The following APP variants were observed in gnomAD, a reference collection of about 807,000 sequenced individuals.
APP encodes amyloid-beta precursor protein.
Under a neutral mutation model 101.4 loss-of-function variants are expected in APP, and 31 were observed. The ratio of observed to expected loss-of-function variants is 0.31; its 90% CI spans 0.23 to 0.41. The LOEUF is 0.41. Ranked by LOEUF, APP falls within the 10% of genes least tolerant of loss-of-function variation. APP has a pLI of 1.00. For synonymous variants in APP, 366 were observed against 364.4 expected, an observed-to-expected ratio of 1.00 and a Z score of -0.05; for missense variants, 839 against 1,003.7, an observed-to-expected ratio of 0.84 and a Z score of 2.22.
intron 1 of APP, among the ~76,000 whole-genome samples, chr21:26,145,790 T>C (rs1484607373): frequency 1.3e-5 from 2 of 152,230 alleles, no homozygotes; most frequent in African/African-American, 2.4e-5. Context: ...AATTACTGTT[T>C]AATCTGTGAT....
At chr21:26,022,789 G>T (rs570053666) in intron 5 of APP, among the ~76,000 whole-genome samples, 5 of 152,098 alleles carry the variant, frequency 3.3e-5, no homozygotes, top group African/African-American at 1.2e-4. Context: ...GTATATGCTG[G>T]TGGAAATTGG....
intron 11 of APP, among the ~76,000 whole-genome samples, chr21:25,963,475 A>T (rs1237383389): frequency 6.6e-6 from 1 of 152,214 alleles, no homozygotes; most frequent in Non-Finnish European, 1.5e-5. Flanking sequence ...AGAAGGAAGT[A>T]AATGACTCAC....
chr21:26,080,921 C>T (rs1217257587), intron 3 of APP, among the ~76,000 whole-genome samples: 1 of 151,962 alleles, frequency 6.6e-6, no homozygotes, highest in African/African-American at 2.4e-5. Flanking sequence ...ATTTTTAGGC[C>T]TGCAGCGGAC....
chr21:25,918,949 C>T (rs1433925787), intron 13 of APP, among the ~76,000 whole-genome samples: 4 of 124,936 alleles, frequency 3.2e-5, no homozygotes, highest in Non-Finnish European at 5.0e-5. Context: ...AACAAAAAGA[C>T]AGCAGTAACC....
intron 8 of APP, among the ~76,000 whole-genome samples, chr21:25,996,997 T>C (rs1326543719): frequency 6.6e-6 from 1 of 152,258 alleles, no homozygotes; most frequent in Non-Finnish European, 1.5e-5. Flanking sequence ...TCTTCAGTTC[T>C]GCAAAAGCAG....
chr21:26,045,278 TA>T (rs375106574), intron 5 of APP, among the ~76,000 whole-genome samples: 2,762 of 147,204 alleles, frequency 0.019, 42 homozygotes, highest in East Asian at 0.046. Context: ...ATTGCAAGTA[TA>T]AAAAAAAAAG....
chr21:25,897,299 A>G (rs2038130796), intron 16 of APP, among the ~76,000 whole-genome samples: 1 of 152,112 alleles, frequency 6.6e-6, no homozygotes, highest in Non-Finnish European at 1.5e-5. Context: ...TATTTTTAGT[A>G]GAGATGGGGT....
intron 13 of APP, among the ~76,000 whole-genome samples, chr21:25,926,006 C>A (rs925451244): frequency 6.6e-6 from 1 of 152,170 alleles, no homozygotes; most frequent in East Asian, 1.9e-4. Context: ...CAAAGCAAGG[C>A]ATGAGATGAG....
intron 13 of APP, among the ~76,000 whole-genome samples, 169 bp downstream of exon 13, chr21:25,954,421 T>C (rs1183182027): frequency 1.3e-5 from 2 of 152,232 alleles, no homozygotes; most frequent in African/African-American, 4.8e-5. Context: ...AGGTAAGAAC[T>C]GATTCAATTG....
rs1428253800 is a variant in APP, at chr21:26,111,999, T to C, written c.205A>G (p.Ile69Val). The C allele has an allele frequency of 1.2e-6, 2 of 1,614,152 alleles. No individual in the cohort carries two copies. Among genetic ancestry groups the C allele is most frequent in the Non-Finnish European group, 1.7e-6 (2 of 1,180,004 alleles). Residue 69 changes from isoleucine (I) to valine (V), a missense_variant, in exon 2 of 18, where the codon ATC becomes GTC. Physicochemically the swap from Ile to Val is conservative, Grantham distance 29 (BLOSUM62 3). Coordinates refer to ENST00000346798, the MANE Select transcript of APP (RefSeq NM_000484.4). ...CTTACTTCTTGGCAATACTGCAGGA[T>C]GCCTTCCTTGGTATCAATGCAGGTT... ...TKTCIDTKEG[I>V]LQYCQEVYPE...
At position 25,978,739 on chromosome 21, in the gene APP, G is replaced by A. The variant is rs565347634; in HGVS notation, c.1225-2711C>T. 1.7e-3 allele frequency among the ~76,000 whole-genome samples: 264 copies of A among 152,320 alleles called. 1 individual carries two copies. The highest frequency in any genetic ancestry group is 3.2e-3 in the Non-Finnish European group (218 of 68,030). On this transcript the variant is annotated intron_variant, in intron 9 of 17. Coordinates refer to ENST00000346798, the MANE Select transcript of APP (RefSeq NM_000484.4). ...GAGGCCCAGGCGGGTGGATCACAAGGTCAGGAGATCGAGACCATCCTGGCC... is the reference window on the plus strand; with the variant it reads ...GAGGCCCAGGCGGGTGGATCACAAGATCAGGAGATCGAGACCATCCTGGCC...
Position 26,136,205 on chromosome 21 carries a change from A to AAAGAAAGAAAGAAAGAAG in APP, c.58-24060_58-24059insCTTCTTTCTTTCTTTCTT, listed in dbSNP as rs758175200. On this transcript the variant is annotated intron_variant, in intron 1 of 17. Coordinates refer to ENST00000346798, the MANE Select transcript of APP (RefSeq NM_000484.4). ...AGAAAGAAAGAAAGAAAGAAAGAAAAGAAAAGAAAGAAAAGAAATAGTTTT... is the reference window on the plus strand; with the variant it reads ...AGAAAGAAAGAAAGAAAGAAAGAAAAAAGAAAGAAAGAAAGAAGGAAAAGAAAGAAAAGAAATAGTTTT... Among the ~76,000 whole-genome samples the AAAGAAAGAAAGAAAGAAG allele has an allele frequency of 1.2e-3, 139 of 117,060 alleles. 3 individuals carry two copies. The highest frequency in any genetic ancestry group is 4.5e-3 in the African/African-American group (126 of 27,752). The allele number at this position is 117,060 out of a possible 152,430, so 76.8% of individuals were successfully genotyped here.
At chr21:26,102,889 C>CAAAAAAAAAAAAAAAAA (rs3084283) in intron 2 of APP, among the ~76,000 whole-genome samples, 2 of 63,090 alleles carry the variant, frequency 3.2e-5, no homozygotes, top group Non-Finnish European at 5.8e-5. Flanking sequence ...GACTCTGTCT[C>CAAAAAAAAAAAAAAAAA]AAAAAAAAAA....
At chr21:26,014,898 T>A (rs796901524) in intron 6 of APP, among the ~76,000 whole-genome samples, 27 of 152,364 alleles carry the variant, frequency 1.8e-4, no homozygotes, top group African/African-American at 6.3e-4. Flanking sequence ...AGTGTCTCTA[T>A]CTGTTCACTT....
At chr21:26,133,588 C>T (rs1245946608) in intron 1 of APP, among the ~76,000 whole-genome samples, 1 of 152,104 alleles carries the variant, frequency 6.6e-6, no homozygotes, top group African/African-American at 2.4e-5. Flanking sequence ...AGTTGAAGAC[C>T]AGCCTGGCCA....
intron 1 of APP, among the ~76,000 whole-genome samples, chr21:26,114,084 C>CGGA (rs1011151235): frequency 6.6e-6 from 1 of 152,176 alleles, no homozygotes; most frequent in Non-Finnish European, 1.5e-5. Context: ...GTTAACTGTA[C>CGGA]GGAGACACTA....
chr21:25,980,229 G>A (rs1053017766), intron 9 of APP, among the ~76,000 whole-genome samples: 1 of 152,316 alleles, frequency 6.6e-6, no homozygotes, highest in Middle Eastern at 3.4e-3. Flanking sequence ...AGTGGTAGGC[G>A]CTGAAAATGA....
At chr21:26,099,806 G>A (rs1035425353) in intron 2 of APP, among the ~76,000 whole-genome samples, 3 of 152,104 alleles carry the variant, frequency 2.0e-5, no homozygotes. Context: ...CTGATGAAAC[G>A]CTACTGCAAT....
chr21:25,897,739 G>A, intron 15 of APP, 66 bp from the exon 16 acceptor site: 9 of 1,371,096 alleles, frequency 6.6e-6, no homozygotes, highest in Non-Finnish European at 9.4e-6. Flanking sequence ...TAATAACACT[G>A]TAAGACAAAG....
Sources: gnomAD v4.1 joint callset for allele counts (sites outside exome capture counted in the v4.1 genomes callset) on GRCh38, gnomAD v4.1.1 for gene constraint, MANE v1.5 for transcripts, NCBI Gene and HGNC (gene_info 2026-07-23, HGNC 2026-07-21) for gene names.